Variants in AFAP1L2 observed in about 807,000 individuals in gnomAD.
The protein encoded by AFAP1L2 is actin filament associated protein 1 like 2.
AFAP1L2 carries 46 observed loss-of-function variants against 99.3 expected under a neutral mutation model. The observed-to-expected ratio is 0.46, with a 90% CI of 0.37 to 0.59. The LOEUF is 0.59. Among genes scored for constraint, AFAP1L2 ranks in the 20% least tolerant of loss-of-function variants. The pLI, the probability that AFAP1L2 is intolerant of heterozygous loss-of-function variation, is 0.00. For synonymous variants in AFAP1L2, 397 were observed against 419.1 expected, an observed-to-expected ratio of 0.95 and a Z score of 0.64; for missense variants, 959 against 1,034.9, an observed-to-expected ratio of 0.93 and a Z score of 1.01.
Position 114,340,665 on chromosome 10 carries a change from C to T in AFAP1L2, c.83G>A (p.Ser28Asn). ...LKILDQENLSSTALVKKSCLA... is the reference protein window; with the variant it reads ...LKILDQENLSNTALVKKSCLA... ...GCAGCTCTTCTTCACCAGTGCTGTG[C>T]TGCTCAGGTTCTCCTGGTCAAGAAT... The change falls in exon 2 of 19, where the codon AGC becomes AAC. Residue 28 changes from serine to asparagine, a missense_variant. This residue lies in a region of AFAP1L2 where 383 missense variants were observed against 472.8 expected (regional missense o/e 0.81). Coordinates refer to ENST00000304129, the MANE Select transcript of AFAP1L2 (RefSeq NM_001001936.3). 2 of 1,614,208 alleles carry T rather than the reference C, an allele frequency of 1.2e-6. No homozygotes were observed. The highest frequency in any genetic ancestry group is 2.2e-5 in the East Asian group (1 of 44,886).
At chr10:114,352,674 G>C (rs2050716673) in intron 1 of AFAP1L2, among the ~76,000 whole-genome samples, 1 of 152,166 alleles carries the variant, frequency 6.6e-6, no homozygotes, top group South Asian at 2.1e-4. Flanking sequence ...CTGTAGCTTA[G>C]CCCAGGTGTC....
intron 5 of AFAP1L2, among the ~76,000 whole-genome samples, chr10:114,320,445 GGACCT>G (rs2045017309): frequency 6.6e-6 from 1 of 152,240 alleles, no homozygotes; most frequent in African/African-American, 2.4e-5. Context: ...TGACCAGGCA[GGACCT>G]GAGGTCAGGC....
chr10:114,296,860 C>G, intron 18 of AFAP1L2, 118 bp downstream of exon 18: 1 of 1,549,114 alleles, frequency 6.5e-7, no homozygotes, highest in Admixed American at 1.7e-5. Flanking sequence ...TGGTGAGTGC[C>G]GAGCCCTTGC....
chr10:114,352,479 T>TAAAAAAAAAAAAAAAAA lies in AFAP1L2; in HGVS notation c.17-11765_17-11749dup, dbSNP rs766929781. ...ACAGAGCAAGACTCTGTCTCCAAATTAAAAAAAAAAAAAAAAAAAAGCAAC... is the reference window on the plus strand; with the variant it reads ...ACAGAGCAAGACTCTGTCTCCAAATTAAAAAAAAAAAAAAAAAAAAAAAAAAAAAAAAAAAAAGCAAC... On this transcript the variant is annotated intron_variant, in intron 1 of 18. Coordinates refer to ENST00000304129, the MANE Select transcript of AFAP1L2 (RefSeq NM_001001936.3). 7.1e-4 allele frequency among the ~76,000 whole-genome samples: 51 copies of TAAAAAAAAAAAAAAAAA among 71,392 alleles called. 1 individual carries two copies. The highest frequency in any genetic ancestry group is 2.7e-3 in the African/African-American group (50 of 18,226). The allele number at this position is 71,392 out of a possible 152,430, so 46.8% of individuals were successfully genotyped here. A position where few individuals can be genotyped will look rare whatever the true frequency, so the allele number is the denominator to read the frequency against.
At chr10:114,334,679 T>C (rs1305372140) in intron 2 of AFAP1L2, among the ~76,000 whole-genome samples, 2 of 152,184 alleles carry the variant, frequency 1.3e-5, no homozygotes, top group Non-Finnish European at 2.9e-5. Context: ...GTTTATGCAG[T>C]TGATGCATAG....
intron 1 of AFAP1L2, among the ~76,000 whole-genome samples, chr10:114,384,125 A>G (rs1413278678): frequency 6.6e-6 from 1 of 152,190 alleles, no homozygotes; most frequent in Admixed American, 6.5e-5. Flanking sequence ...AGGGTTTTAC[A>G]TATATGTCAA....
intron 10 of AFAP1L2, among the ~76,000 whole-genome samples, chr10:114,306,573 T>C (rs566057353): frequency 3.0e-4 from 46 of 152,068 alleles, no homozygotes; most frequent in African/African-American, 9.2e-4. Flanking sequence ...GTGGGGATCA[T>C]GCATATCGCC....
intron 1 of AFAP1L2, among the ~76,000 whole-genome samples, chr10:114,368,909 C>A (rs1046773323): frequency 1.3e-5 from 2 of 151,810 alleles, no homozygotes; most frequent in Non-Finnish European, 2.9e-5. Context: ...ACACTGTATA[C>A]CTTAAATGTA....
In AFAP1L2 at chr10:114,323,172, A is replaced by G. The variant is rs775010799; in HGVS notation, c.405T>C (p.Asn135=). The change falls in exon 5 of 19, where the codon AAT becomes AAC. Residue 135 remains asparagine (N), a splice_region_variant and synonymous_variant. Transcript: ENST00000304129. ...EEAEPYDTSL[N]EDGEAVSSSY... is the part of the protein sequence containing the mutation. ...CAAGCCCCAGCCGCTGGGATGTACC[A>G]TTGAGGGATGTGTCATATGGCTCAG... 6 of 1,592,790 alleles carry G rather than the reference A, an allele frequency of 3.8e-6. 1 individual carries two copies. In the East Asian group the frequency reaches 1.4e-4, roughly 36 times the overall value.
At chr10:114,311,263 G>A (rs1296842100) in intron 7 of AFAP1L2, among the ~76,000 whole-genome samples, 1 of 152,166 alleles carries the variant, frequency 6.6e-6, no homozygotes, top group Admixed American at 6.5e-5. Context: ...GCCTCAGTCT[G>A]AGCCAGGGGC....
intron 1 of AFAP1L2, among the ~76,000 whole-genome samples, chr10:114,346,431 G>A (rs2049585127): frequency 6.6e-6 from 1 of 152,192 alleles, no homozygotes; most frequent in South Asian, 2.1e-4. Context: ...GAGGCCATAG[G>A]CGATTCTCCT....
intron 1 of AFAP1L2, among the ~76,000 whole-genome samples, chr10:114,368,807 CACACACACAG>C: frequency 7.5e-6 from 1 of 134,070 alleles, no homozygotes; most frequent in Non-Finnish European, 1.6e-5. Flanking sequence ...CACACACACA[CACACACACAG>C]AGTAACTAAA....
In AFAP1L2 at chr10:114,304,884, G is replaced by A. The variant is rs2041859742; in HGVS notation, c.1119C>T (p.Cys373=). The change falls in exon 11 of 19, where the codon TGC becomes TGT. Residue 373 remains cysteine (C), a synonymous_variant. Transcript: ENST00000304129. The part of the protein sequence containing the change: ...LVNSQWKSRW[C]SVRDNHLHFY... Reference sequence around the variant, plus strand: ...AGTGCAGGTGATTGTCCCTGACAGAGCACCAGCGAGACTTCCACTGGCTGT... The same window carrying A: ...AGTGCAGGTGATTGTCCCTGACAGAACACCAGCGAGACTTCCACTGGCTGT... The A allele has an allele frequency of 1.9e-6, 3 of 1,613,434 alleles. No homozygotes were observed. The highest frequency in any genetic ancestry group is 2.2e-5 in the East Asian group (1 of 44,872).
intron 1 of AFAP1L2, among the ~76,000 whole-genome samples, chr10:114,368,061 G>C (rs1169032268): frequency 6.6e-6 from 1 of 152,180 alleles, no homozygotes; most frequent in Non-Finnish European, 1.5e-5. Context: ...TAGATAAGAG[G>C]ACGTGTAAGG....
intron 1 of AFAP1L2, among the ~76,000 whole-genome samples, chr10:114,341,472 G>T (rs1313723916): frequency 6.6e-6 from 1 of 152,072 alleles, no homozygotes; most frequent in East Asian, 1.9e-4. Flanking sequence ...AATTAGCTGG[G>T]CATGGTGGCG....
chr10:114,374,846 A>AGGGGGT (rs2054594615), intron 1 of AFAP1L2, among the ~76,000 whole-genome samples: 1 of 29,762 alleles, frequency 3.4e-5, no homozygotes, highest in Non-Finnish European at 6.8e-5. Flanking sequence ...AGAGGGAGGG[A>AGGGGGT]GGGGGTGGGG....
intron 1 of AFAP1L2, among the ~76,000 whole-genome samples, chr10:114,379,836 C>T (rs2055359289): frequency 6.6e-6 from 1 of 152,222 alleles, no homozygotes; most frequent in African/African-American, 2.4e-5. Context: ...GAATCAGTTT[C>T]CTTGCCTTAC....
Position 114,300,572 on chromosome 10 carries a change from T to C in AFAP1L2, c.1661A>G (p.Gln554Arg). Residue 554 changes from glutamine to arginine, a missense_variant, in exon 14 of 19, where the codon CAG (glutamine) becomes CGG (arginine). By Grantham distance (43) the Gln-to-Arg change is conservative. Around this residue, in one of 2 missense-constraint regions of AFAP1L2, gnomAD observed 576 missense variants for 562.1 expected, o/e 1.02. Coordinates refer to ENST00000304129, the MANE Select transcript of AFAP1L2 (RefSeq NM_001001936.3). Reference sequence around the variant, plus strand: ...CAACGTCGGGGAGGAGGCCTGGGCCTGTGCACTGCTGGGGCCATGCAGAAA... The same window carrying C: ...CAACGTCGGGGAGGAGGCCTGGGCCCGTGCACTGCTGGGGCCATGCAGAAA... ...KSFLHGPSSA[Q>R]AQASSPTLSC... is the part of the protein sequence containing the mutation. The C allele has an allele frequency of 1.2e-6, 2 of 1,614,188 alleles. No individual in the cohort carries two copies. The highest frequency in any genetic ancestry group is 1.7e-6 in the Non-Finnish European group (2 of 1,180,030).
chr10:114,311,095 G>C (rs1312691384), intron 7 of AFAP1L2, among the ~76,000 whole-genome samples: 1 of 152,136 alleles, frequency 6.6e-6, no homozygotes, highest in Non-Finnish European at 1.5e-5. Context: ...ACCCCAAGCA[G>C]AGGCTATGGG....
Sources: allele counts gnomAD v4.1 joint callset (sites outside exome capture counted in the v4.1 genomes callset), GRCh38; gene constraint gnomAD v4.1.1; regional missense constraint gnomAD v4.1.1; transcripts MANE v1.5; gene names NCBI Gene and HGNC (gene_info 2026-07-23, HGNC 2026-07-21).